WRN: variants seen among roughly 807,000 people sequenced by gnomAD.
WRN encodes the protein WRN RecQ like helicase, also known as bifunctional 3'-5' exonuclease/ATP-dependent helicase WRN.
In WRN, 149 loss-of-function variants were observed where a neutral mutation model predicts 180.7. The observed-to-expected ratio is 0.82, with a 90% CI of 0.72 to 0.94. The LOEUF is 0.94. Ranked by LOEUF, WRN falls within the 40% of genes least tolerant of loss-of-function variation. The probability of loss-of-function intolerance (pLI) is 0.00; values close to 1 mark genes in which losing one functional copy is unlikely to be tolerated. For missense variants in WRN, 1,661 were observed against 1,700.1 expected (o/e 0.98, Z 0.40); for synonymous variants, 548 against 568.9 (o/e 0.96, Z 0.52).
intron 6 of WRN, 43 bp from the exon 7 acceptor site, chr8:31,068,215 G>T (rs1351031786): frequency 7.0e-7 from 1 of 1,426,142 alleles, no homozygotes; most frequent in Non-Finnish European, 9.8e-7. Flanking sequence ...TTTTATTTCG[G>T]TGATCTTTAG....
chr8:31,154,759 A>C lies in WRN; in HGVS notation c.3819+4A>C. ...CCAAGAAAAGAAGATGCCTTTGGTA[A>C]GTGTGACTTTCATGTTACAGGGAAT... On this transcript the variant is annotated splice_donor_region_variant and intron_variant, in intron 32 of 34. Transcript: ENST00000298139. 1 of 1,613,336 alleles carries C rather than the reference A, an allele frequency of 6.2e-7. No individual in the cohort carries two copies. The highest frequency in any genetic ancestry group is 8.5e-7 in the Non-Finnish European group (1 of 1,179,554).
intron 23 of WRN, among the ~76,000 whole-genome samples, chr8:31,129,830 C>A (rs2737331): frequency 1.3e-5 from 2 of 151,466 alleles, no homozygotes; most frequent in African/African-American, 4.8e-5. Context: ...CATGGTGAAA[C>A]CCCGTCTCTA....
intron 3 of WRN, among the ~76,000 whole-genome samples, chr8:31,059,501 A>G (rs1812404256): frequency 6.6e-6 from 1 of 151,932 alleles, no homozygotes; most frequent in Admixed American, 6.6e-5. Flanking sequence ...TTTTTTTTTA[A>G]CTTTTTTAAT....
intron 33 of WRN, among the ~76,000 whole-genome samples, chr8:31,159,318 A>T (rs1803515462): frequency 6.6e-6 from 1 of 151,946 alleles, no homozygotes; most frequent in Non-Finnish European, 1.5e-5. Flanking sequence ...GGAGAAAAAA[A>T]AAAAAGTAAC....
intron 7 of WRN, among the ~76,000 whole-genome samples, chr8:31,071,489 A>G (rs1012726385): frequency 1.3e-5 from 2 of 151,932 alleles, no homozygotes; most frequent in African/African-American, 4.8e-5. Flanking sequence ...TTCAAAATTC[A>G]TTTTTCTTCT....
chr8:31,088,844 G>C, intron 12 of WRN, 46 bp from the exon 13 acceptor site: 1 of 1,482,706 alleles, frequency 6.7e-7, no homozygotes, highest in Non-Finnish European at 9.3e-7. Context: ...CCTCTATGTG[G>C]TGTTTTTCTA....
chr8:31,075,784 G>A (rs565502402), intron 7 of WRN, among the ~76,000 whole-genome samples: 1 of 152,132 alleles, frequency 6.6e-6, no homozygotes, highest in African/African-American at 2.4e-5. Flanking sequence ...AGGCAATGAG[G>A]GATGACTGTT....
At chr8:31,060,118 A>G (rs1239480619) in intron 3 of WRN, among the ~76,000 whole-genome samples, 1 of 152,156 alleles carries the variant, frequency 6.6e-6, no homozygotes, top group Non-Finnish European at 1.5e-5. Context: ...AATGTCTGTT[A>G]GTACTTTTAA....
chr8:31,103,631 T>G (rs555154280), intron 18 of WRN, among the ~76,000 whole-genome samples: 152 of 152,356 alleles, frequency 1.0e-3, no homozygotes, highest in African/African-American at 3.5e-3. Context: ...ACAGTTTAAC[T>G]GATCACCTGT....
chr8:31,103,096 T>C (rs1447921905), intron 18 of WRN, among the ~76,000 whole-genome samples: 1 of 152,228 alleles, frequency 6.6e-6, no homozygotes, highest in East Asian at 1.9e-4. Context: ...TCAATGTTGC[T>C]GTCTTCCACC....
At chr8:31,143,835 G>A (rs1334833551) in intron 28 of WRN, among the ~76,000 whole-genome samples, 1 of 151,902 alleles carries the variant, frequency 6.6e-6, no homozygotes, top group African/African-American at 2.4e-5. Flanking sequence ...TGTTTGTCAG[G>A]CATTATGTTA....
At chr8:31,105,078 G>GC (rs1447808416) in intron 18 of WRN, among the ~76,000 whole-genome samples, 1 of 137,614 alleles carries the variant, frequency 7.3e-6, no homozygotes, top group East Asian at 2.1e-4. Flanking sequence ...TTATCTCACA[G>GC]AGTTTGGTTG....
intron 3 of WRN, 99 bp from the exon 4 acceptor site, chr8:31,064,190 C>A: frequency 7.4e-7 from 1 of 1,348,376 alleles, no homozygotes; most frequent in Non-Finnish European, 1.0e-6. Context: ...ATAACTTGAA[C>A]AGTCTGTGGT....
intron 19 of WRN, among the ~76,000 whole-genome samples, chr8:31,112,417 A>G (rs756127375): frequency 6.6e-6 from 1 of 152,206 alleles, no homozygotes; most frequent in Non-Finnish European, 1.5e-5. Context: ...GGCGCTTTCT[A>G]TATAAAATGA....
chr8:31,146,396 AT>A (rs55904734), intron 28 of WRN, among the ~76,000 whole-genome samples: 1 of 150,178 alleles, frequency 6.7e-6, no homozygotes, highest in Non-Finnish European at 1.5e-5. Flanking sequence ...CACTACCTTT[AT>A]TTTTTTCCTT....
intron 1 of WRN, among the ~76,000 whole-genome samples, chr8:31,049,585 A>G (rs1298593371): frequency 6.6e-6 from 1 of 152,160 alleles, no homozygotes; most frequent in Non-Finnish European, 1.5e-5. Context: ...GTCAGAAAGA[A>G]GCATTGGATA....
intron 1 of WRN, among the ~76,000 whole-genome samples, chr8:31,037,630 T>A (rs1462439186): frequency 6.6e-6 from 1 of 152,252 alleles, no homozygotes; most frequent in Non-Finnish European, 1.5e-5. Flanking sequence ...CCCAACACCG[T>A]TTATTGAAGA....
rs2130470287 is a variant in WRN at position 31,154,695 on chromosome 8, C to T, written c.3759C>T (p.Cys1253=). The T allele has an allele frequency of 6.2e-7, 1 of 1,613,548 alleles. No individual in the cohort carries two copies. The highest frequency in any genetic ancestry group is 1.7e-5 in the Admixed American group (1 of 60,006). Residue 1253 remains cysteine, a synonymous_variant, in exon 32 of 35, where the codon TGC becomes TGT. Transcript: ENST00000298139. ...KTSLVAKNKI[C]TLSQSMAITY... ...GTCTGGTAGCAAAAAATAAAATATG[C>T]ACACTTTCACAGTCTATGGCCATCA...
rs147011524 is a variant in WRN, at chr8:31,122,937, A to G, written c.2631-1585A>G. Among the ~76,000 whole-genome samples the G allele has an allele frequency of 3.3e-3, 498 of 148,990 alleles. 1 individual carries two copies. Among genetic ancestry groups the G allele is most frequent in the Middle Eastern group, 0.01 (3 of 286 alleles). On this transcript the variant is annotated intron_variant, in intron 21 of 34. Transcript: ENST00000298139. ...AACAAACAAAATAAAGCAAAAAAGAACTGATTTTTATCCCTTGAGGTAGAA... is the reference window on the plus strand; with the variant it reads ...AACAAACAAAATAAAGCAAAAAAGAGCTGATTTTTATCCCTTGAGGTAGAA...
Sources: gnomAD v4.1 joint callset for allele counts (sites outside exome capture counted in the v4.1 genomes callset) on GRCh38, gnomAD v4.1.1 for gene constraint, MANE v1.5 for transcripts, NCBI Gene and HGNC (gene_info 2026-07-23, HGNC 2026-07-21) for gene names.